RPRD2: variants seen among roughly 807,000 people sequenced by gnomAD.
The protein encoded by RPRD2 is regulation of nuclear pre-mRNA domain containing 2.
RPRD2 carries 12 observed loss-of-function variants against 104.4 expected under a neutral mutation model. That is an observed-to-expected ratio of 0.11 (90% CI 0.07 to 0.19). The LOEUF (loss-of-function observed/expected upper bound fraction) is 0.19, where lower values mean the gene tolerates loss of function less well. RPRD2 is among the 10% of genes least tolerant of loss of function. The pLI, the probability that RPRD2 is intolerant of heterozygous loss-of-function variation, is 1.00. For missense variants in RPRD2, 1,543 were observed against 1,790.1 expected, an observed-to-expected ratio of 0.86 and a Z score of 2.49; for synonymous variants, 714 against 684.9, an observed-to-expected ratio of 1.04 and a Z score of -0.66.
At chr1:150,419,111 G>A (rs1664578565) in intron 2 of RPRD2, among the ~76,000 whole-genome samples, 1 of 152,146 alleles carries the variant, frequency 6.6e-6, no homozygotes, top group South Asian at 2.1e-4. Context: ...GGAGAATTCT[G>A]GTGTATATAC....
intron 7 of RPRD2, among the ~76,000 whole-genome samples, chr1:150,447,916 C>T (rs1452561848): frequency 2.0e-5 from 3 of 152,256 alleles, no homozygotes; most frequent in African/African-American, 7.2e-5. Context: ...TTAGAAATAG[C>T]TGTTAACTTC....
chr1:150,454,590 G>A (rs1200504570), intron 7 of RPRD2, among the ~76,000 whole-genome samples: 2 of 152,154 alleles, frequency 1.3e-5, no homozygotes, highest in Admixed American at 6.6e-5. Flanking sequence ...GCTCACACGT[G>A]TAATCCCAGC....
Position 150,472,909 on chromosome 1 carries a change from G to A in RPRD2, c.3961G>A (p.Val1321Met). 1 of 1,613,262 alleles carries A rather than the reference G, an allele frequency of 6.2e-7. No individual in the cohort carries two copies. The highest frequency in any genetic ancestry group is 8.5e-7 in the Non-Finnish European group (1 of 1,179,582). Residue 1321 changes from valine (V) to methionine (M), a missense_variant, in exon 11 of 11, where the codon GTG becomes ATG. Transcript: ENST00000369068. Reference protein sequence around the residue: ...PLAEHGVAGAVAVFPKDHSSL... With the variant: ...PLAEHGVAGAMAVFPKDHSSL... Reference sequence around the variant, plus strand: ...GGCAGAGCACGGAGTGGCAGGGGCTGTGGCAGTATTTCCCAAGGACCATAG... The same window carrying A: ...GGCAGAGCACGGAGTGGCAGGGGCTATGGCAGTATTTCCCAAGGACCATAG...
At chr1:150,365,305 G>A (rs1345726615) in intron 1 of RPRD2, among the ~76,000 whole-genome samples, 2 of 152,208 alleles carry the variant, frequency 1.3e-5, no homozygotes, top group Non-Finnish European at 2.9e-5. Flanking sequence ...CTTTCCTGAT[G>A]GTAGGCGAGC....
chr1:150,390,811 A>G (rs1376948857), intron 1 of RPRD2, among the ~76,000 whole-genome samples: 3 of 152,172 alleles, frequency 2.0e-5, no homozygotes, highest in Non-Finnish European at 2.9e-5. Flanking sequence ...TTGAAGTCTT[A>G]TAAGGAGAGA....
In RPRD2 at chr1:150,368,031, A is replaced by G. The variant is rs375363668; in HGVS notation, c.205+3112A>G. On this transcript the variant is annotated intron_variant, in intron 1 of 10. Coordinates refer to ENST00000369068, the MANE Select transcript of RPRD2 (RefSeq NM_015203.5). Reference sequence around the variant, plus strand: ...TCCTCTGCTTTAAAACCCTGCAGTGATATCCCATTGCAACAAGTTGAAGGT... The same window carrying G: ...TCCTCTGCTTTAAAACCCTGCAGTGGTATCCCATTGCAACAAGTTGAAGGT... Among the ~76,000 whole-genome samples, 13 of 152,154 alleles carry G rather than the reference A, an allele frequency of 8.5e-5. No individual in the cohort carries two copies. In the East Asian group the frequency reaches 2.3e-3, roughly 27 times the overall value.
Position 150,461,369 on chromosome 1 carries a change from A to T in RPRD2, c.1411+1052A>T, listed in dbSNP as rs148805041. On this transcript the variant is annotated intron_variant, in intron 9 of 10. Coordinates refer to ENST00000369068, the MANE Select transcript of RPRD2 (RefSeq NM_015203.5). ...GAATTAAATATGTATAACAATTTTT[A>T]AAAAAGTAAGTGTATTGCATATACT... 5.3e-3 allele frequency among the ~76,000 whole-genome samples: 814 copies of T among 152,338 alleles called. 7 individuals carry two copies. The highest frequency in any genetic ancestry group is 0.018 in the African/African-American group (765 of 41,574).
intron 9 of RPRD2, among the ~76,000 whole-genome samples, chr1:150,462,215 G>C (rs1382951490): frequency 1.3e-5 from 2 of 151,992 alleles, no homozygotes; most frequent in African/African-American, 4.8e-5. Flanking sequence ...CTGGGAGGCG[G>C]GGGTTGCAGT....
At chr1:150,396,396 G>A (rs935488075) in intron 1 of RPRD2, among the ~76,000 whole-genome samples, 1 of 151,946 alleles carries the variant, frequency 6.6e-6, no homozygotes, top group African/African-American at 2.4e-5. Context: ...TATTACATTT[G>A]CCTTTGGGTT....
chr1:150,407,069 G>T (rs1663542393), intron 1 of RPRD2, among the ~76,000 whole-genome samples: 1 of 152,130 alleles, frequency 6.6e-6, no homozygotes, highest in African/African-American at 2.4e-5. Flanking sequence ...TACATCTCTT[G>T]ATGTCTCTAA....
At position 150,378,751 on chromosome 1, in the gene RPRD2, G is replaced by A. The variant is rs1334640007; in HGVS notation, c.205+13832G>A. On this transcript the variant is annotated intron_variant, in intron 1 of 10. Coordinates refer to ENST00000369068, the MANE Select transcript of RPRD2 (RefSeq NM_015203.5). ...TAATCCCAGCAACTTGAGAGGCCAA[G>A]GCGGGTGGATCACATGAGGTCAGGA... Among the ~76,000 whole-genome samples, 3 of 152,126 alleles carry A rather than the reference G, an allele frequency of 2.0e-5. No individual in the cohort carries two copies. In the East Asian group the frequency reaches 5.8e-4, roughly 29 times the overall value.
At chr1:150,432,458 G>A (rs1439482305) in intron 2 of RPRD2, among the ~76,000 whole-genome samples, 1 of 152,032 alleles carries the variant, frequency 6.6e-6, no homozygotes, top group Non-Finnish European at 1.5e-5. Flanking sequence ...AGTATTAAGA[G>A]GTGGAGCCTT....
chr1:150,432,628 TAAA>T (rs34187447), intron 2 of RPRD2, among the ~76,000 whole-genome samples: 5 of 113,450 alleles, frequency 4.4e-5, no homozygotes, highest in Non-Finnish European at 8.6e-5. Context: ...AAGAAAATGA[TAAA>T]AAAAAAAAAG....
intron 2 of RPRD2, among the ~76,000 whole-genome samples, chr1:150,426,866 G>T (rs782238735): frequency 6.6e-6 from 1 of 152,238 alleles, no homozygotes; most frequent in East Asian, 1.9e-4. Context: ...GTTAAGATAG[G>T]CCGGGTGCTA....
chr1:150,392,321 A>G (rs1474716619), intron 1 of RPRD2, among the ~76,000 whole-genome samples: 1 of 152,222 alleles, frequency 6.6e-6, no homozygotes, highest in African/African-American at 2.4e-5. Context: ...TCTGGCCAAC[A>G]TGGTGAAACC....
intron 9 of RPRD2, among the ~76,000 whole-genome samples, chr1:150,461,703 G>A (rs782468708): frequency 7.9e-5 from 12 of 151,894 alleles, no homozygotes; most frequent in Non-Finnish European, 7.4e-5. Context: ...AATTATGGCC[G>A]AGCGTGGTGG....
chr1:150,430,781 T>G (rs893942680), intron 2 of RPRD2, among the ~76,000 whole-genome samples: 3 of 151,772 alleles, frequency 2.0e-5, no homozygotes, highest in Non-Finnish European at 4.4e-5. Context: ...AATACAAAAT[T>G]AGCCGGACCT....
At chr1:150,432,958 C>T (rs1441747975) in intron 2 of RPRD2, among the ~76,000 whole-genome samples, 1 of 151,822 alleles carries the variant, frequency 6.6e-6, no homozygotes, top group Non-Finnish European at 1.5e-5. Flanking sequence ...GCCTGGGGGA[C>T]CAGAGTGAGA....
intron 2 of RPRD2, among the ~76,000 whole-genome samples, chr1:150,436,650 C>T (rs141143157): frequency 2.3e-3 from 343 of 151,196 alleles, no homozygotes; most frequent in Non-Finnish European, 4.3e-3. Context: ...CACCTGTAAT[C>T]CCAGCACTTT....
Sources: gnomAD v4.1 joint callset for allele counts (sites outside exome capture counted in the v4.1 genomes callset) on GRCh38, gnomAD v4.1.1 for gene constraint, MANE v1.5 for transcripts, NCBI Gene and HGNC (gene_info 2026-07-23, HGNC 2026-07-21) for gene names.